The following RDX variants were observed in gnomAD, a reference collection of about 807,000 sequenced individuals.
RDX encodes radixin, also known as deafness, autosomal recessive 24.
RDX carries 32 observed loss-of-function variants against 83.7 expected under a neutral mutation model. The ratio of observed to expected loss-of-function variants is 0.38; its 90% CI spans 0.29 to 0.51. The LOEUF (loss-of-function observed/expected upper bound fraction) is 0.51. Ranked by LOEUF, RDX falls within the 20% of genes least tolerant of loss-of-function variation. The probability of loss-of-function intolerance (pLI) is 0.87; values close to 1 mark genes in which losing one functional copy is unlikely to be tolerated. For missense variants in RDX, 600 were observed against 689.9 expected (o/e 0.87, Z 1.46); for synonymous variants, 229 against 222.7 (o/e 1.03, Z -0.25).
downstream of RDX, among the ~76,000 whole-genome samples, chr11:110,228,910 G>A (rs532369308): frequency 8.6e-5 from 13 of 151,532 alleles, no homozygotes; most frequent in Non-Finnish European, 1.5e-4. Context: ...TAAAGTGACA[G>A]TTAAATATTA....
intron 10 of RDX, among the ~76,000 whole-genome samples, chr11:110,241,391 G>C (rs953595877): frequency 4.6e-5 from 7 of 151,874 alleles, no homozygotes; most frequent in African/African-American, 1.5e-4. Flanking sequence ...CTGCCTCCTG[G>C]GTTTAAGCAA....
At chr11:110,193,586 A>C (rs926345939) in intron 15 of RDX, among the ~76,000 whole-genome samples, 1 of 152,252 alleles carries the variant, frequency 6.6e-6, no homozygotes, top group Non-Finnish European at 1.5e-5. Flanking sequence ...CATTTTTGCC[A>C]TCTAATGACC....
At chr11:110,244,363 CAAAAAAAAAAAAAA>C (rs71053874) in intron 10 of RDX, among the ~76,000 whole-genome samples, 2 of 51,312 alleles carry the variant, frequency 3.9e-5, no homozygotes, top group East Asian at 8.2e-4. Flanking sequence ...GATTCTGGCT[CAAAAAAAAAAAAAA>C]AAAAAAAAAA....
intron 14 of RDX, among the ~76,000 whole-genome samples, chr11:110,201,177 CAAAAAAAAAA>C (rs34428422): frequency 1.2e-5 from 1 of 82,028 alleles, no homozygotes; most frequent in African/African-American, 4.9e-5. Context: ...ACTCCCGTCT[CAAAAAAAAAA>C]AAAAAAAAAA....
chr11:110,185,726 G>A (rs61900208), intron 15 of RDX: 20,122 of 152,236 alleles, frequency 0.13, 1,624 homozygotes, highest in Non-Finnish European at 0.18. Context: ...TGCCTGTGGC[G>A]ACTGGGCTTT....
At chr11:110,229,041 C>T (rs1043686584), downstream of RDX, among the ~76,000 whole-genome samples, 2 of 151,872 alleles carry the variant, frequency 1.3e-5, no homozygotes, top group Non-Finnish European at 2.9e-5. Context: ...TTCTATAATA[C>T]AGCTTCAAAA....
At chr11:110,199,686 A>C (rs556934100) in intron 14 of RDX, 33 of 702,936 alleles carry the variant, frequency 4.7e-5, no homozygotes, top group Non-Finnish European at 8.6e-5. Flanking sequence ...CACCTTTCAA[A>C]AGAGACATTA....
chr11:110,205,824 G>A (rs1388582642), intron 14 of RDX, among the ~76,000 whole-genome samples: 3 of 152,158 alleles, frequency 2.0e-5, no homozygotes, highest in African/African-American at 7.2e-5. Context: ...TTGAAGATGT[G>A]CATATTCCAT....
At chr11:110,210,979 T>C (rs1863812843) in intron 14 of RDX, among the ~76,000 whole-genome samples, 1 of 151,154 alleles carries the variant, frequency 6.6e-6, no homozygotes, top group Non-Finnish European at 1.5e-5. Flanking sequence ...AGGATCAAAT[T>C]CACACATAAC....
chr11:110,280,757 G>A (rs894283746), intron 1 of RDX, among the ~76,000 whole-genome samples: 1 of 152,196 alleles, frequency 6.6e-6, no homozygotes, highest in Non-Finnish European at 1.5e-5. Flanking sequence ...AAGCCCAGGT[G>A]GCTGAAGCTG....
At chr11:110,193,725 G>C (rs1433510402) in intron 15 of RDX, among the ~76,000 whole-genome samples, 1 of 152,164 alleles carries the variant, frequency 6.6e-6, no homozygotes, top group African/African-American at 2.4e-5. Context: ...CGGAGGCCCT[G>C]AGAGTTGGAG....
chr11:110,280,969 A>G (rs939267618), intron 1 of RDX, among the ~76,000 whole-genome samples: 3 of 152,224 alleles, frequency 2.0e-5, no homozygotes, highest in Admixed American at 2.0e-4. Flanking sequence ...GTTTGAGACC[A>G]GCCTGGCCAA....
At position 110,237,789 on chromosome 11, in the gene RDX, CTT is replaced by C. The variant is rs754631989; in HGVS notation, c.1091-139_1091-138del. On this transcript the variant is annotated intron_variant, in intron 10 of 13. Transcript: ENST00000645495. ...CACACATGTAAATACATATATACCT[CTT>C]TGTTTTCTTGAGACAGGGTCTCGCT... 39 of 973,182 alleles carry C rather than the reference CTT, an allele frequency of 4.0e-5. No homozygotes were observed. The East Asian group carries it at 7.3e-4, about 18-fold the overall frequency. 60.3% of individuals were successfully genotyped at this position (973,182 alleles called of 1,614,324 possible). A position where few individuals can be genotyped will look rare whatever the true frequency, so the allele number is the denominator to read the frequency against.
intron 5 of RDX, among the ~76,000 whole-genome samples, chr11:110,259,084 A>T (rs1337905711): frequency 6.6e-6 from 1 of 151,566 alleles, no homozygotes; most frequent in African/African-American, 2.4e-5. Context: ...TGCCTGGCTA[A>T]TTTTTCTTTT....
intron 15 of RDX, among the ~76,000 whole-genome samples, chr11:110,196,476 T>C (rs980713381): frequency 6.6e-6 from 1 of 152,230 alleles, no homozygotes; most frequent in Non-Finnish European, 1.5e-5. Context: ...GATTTTGCAA[T>C]GTTCTGATCC....
intron 15 of RDX, among the ~76,000 whole-genome samples, chr11:110,194,622 T>C (rs954445279): frequency 6.6e-6 from 1 of 152,306 alleles, no homozygotes; most frequent in Non-Finnish European, 1.5e-5. Context: ...AAACCATAAT[T>C]TGATAAGAAA....
rs1397176274 is a variant in RDX, at chr11:110,263,933, T to C, written c.467+27A>G. Reference sequence around the variant, plus strand: ...CTTCTAGAATACAATTTTCAGACAATATAATGCAAACGCATGTTTCACTTA... The same window carrying C: ...CTTCTAGAATACAATTTTCAGACAACATAATGCAAACGCATGTTTCACTTA... On this transcript the variant is annotated intron_variant, in intron 5 of 13. Transcript: ENST00000645495. The C allele has an allele frequency of 1.9e-6, 3 of 1,589,158 alleles. No individual in the cohort carries two copies. In the Admixed American group the frequency reaches 5.0e-5, roughly 27 times the overall value.
intron 1 of RDX, among the ~76,000 whole-genome samples, chr11:110,290,070 T>A (rs1861172607): frequency 6.6e-6 from 1 of 151,456 alleles, no homozygotes; most frequent in Admixed American, 6.6e-5. Context: ...CCCACTCTGG[T>A]TAACTTATTA....
At chr11:110,277,556 G>C (rs1037461275) in intron 2 of RDX, among the ~76,000 whole-genome samples, 1 of 152,076 alleles carries the variant, frequency 6.6e-6, no homozygotes, top group African/African-American at 2.4e-5. Context: ...CTGACTTCAA[G>C]TGATACTCCC....
Sources: allele counts gnomAD v4.1 joint callset (sites outside exome capture counted in the v4.1 genomes callset), GRCh38; gene constraint gnomAD v4.1.1; transcripts MANE v1.5; gene names NCBI Gene and HGNC (gene_info 2026-07-23, HGNC 2026-07-21).